Variants in TTC28 observed in about 807,000 individuals in gnomAD.
TTC28 encodes tetratricopeptide repeat protein 28.
A neutral mutation model predicts 198.0 loss-of-function variants in TTC28; 61 were observed. That is an observed-to-expected ratio of 0.31 (90% CI 0.25 to 0.38). TTC28 has a LOEUF of 0.38. TTC28 is among the 10% of genes least tolerant of loss of function. The pLI is 1.00. For synonymous variants in TTC28, 1,171 were observed against 1,297.8 expected, an observed-to-expected ratio of 0.90 and a Z score of 2.10; for missense variants, 2,678 against 3,164.0, an observed-to-expected ratio of 0.85 and a Z score of 3.69.
At chr22:28,040,041 A>C (rs1939550527) in intron 12 of TTC28, among the ~76,000 whole-genome samples, 1 of 152,238 alleles carries the variant, frequency 6.6e-6, no homozygotes, top group South Asian at 2.1e-4. Flanking sequence ...AACCAGGAAG[A>C]AGTTGAATCC....
At chr22:28,163,071 T>A in intron 6 of TTC28, 21 bp downstream of exon 6, 1 of 1,522,272 alleles carries the variant, frequency 6.6e-7, no homozygotes, top group East Asian at 2.5e-5. Context: ...CCTGGGCTCT[T>A]ACAGGCAACC....
chr22:28,441,887 T>TAAAA (rs979638590), intron 2 of TTC28, among the ~76,000 whole-genome samples: 9 of 119,170 alleles, frequency 7.6e-5, no homozygotes, highest in African/African-American at 2.3e-4. Flanking sequence ...ATTTGAAGTT[T>TAAAA]AAAAAAAAAA....
intron 2 of TTC28, among the ~76,000 whole-genome samples, chr22:28,414,563 T>C (rs2047139545): frequency 6.6e-6 from 1 of 152,120 alleles, no homozygotes; most frequent in African/African-American, 2.4e-5. Context: ...AGAGATGAAG[T>C]GGCAATGTAG....
chr22:28,365,071 G>C (rs1184499114), intron 2 of TTC28, among the ~76,000 whole-genome samples: 1 of 152,174 alleles, frequency 6.6e-6, no homozygotes, highest in African/African-American at 2.4e-5. Flanking sequence ...CTTCACTGTT[G>C]TCTTAAGAAA....
intron 5 of TTC28, among the ~76,000 whole-genome samples, chr22:28,235,804 A>C (rs1929201611): frequency 6.6e-6 from 1 of 152,214 alleles, no homozygotes. Context: ...CATAGATTAA[A>C]ATGTAAAAAC....
intron 1 of TTC28, among the ~76,000 whole-genome samples, chr22:28,634,505 C>CAA (rs900765994): frequency 1.7e-3 from 76 of 45,444 alleles, no homozygotes; most frequent in African/African-American, 4.7e-3. Context: ...GACTCCATCT[C>CAA]AAAAAAAAAA....
chr22:28,269,136 T>C (rs939421651), intron 5 of TTC28, among the ~76,000 whole-genome samples: 8 of 152,128 alleles, frequency 5.3e-5, no homozygotes, highest in East Asian at 3.9e-4. Context: ...ACCTAGTTTA[T>C]GATTTTCCCT....
chr22:28,037,477 C>A (rs899635792), intron 12 of TTC28, among the ~76,000 whole-genome samples: 1 of 152,152 alleles, frequency 6.6e-6, no homozygotes, highest in African/African-American at 2.4e-5. Context: ...ACCCTTCATG[C>A]TAAAAACTCT....
intron 2 of TTC28, 56 bp from the exon 3 acceptor site, chr22:28,306,699 G>A: frequency 1.3e-6 from 2 of 1,526,610 alleles, no homozygotes; most frequent in Non-Finnish European, 8.9e-7. Context: ...AAGGCTGATG[G>A]TGATTCTTTA....
chr22:28,451,056 C>T (rs764579019), intron 2 of TTC28, among the ~76,000 whole-genome samples: 4 of 152,146 alleles, frequency 2.6e-5, no homozygotes, highest in Admixed American at 2.0e-4. Context: ...GAGCGGGCTA[C>T]GCAGACATGG....
chr22:28,017,028 A>C (rs1938404993), intron 13 of TTC28, among the ~76,000 whole-genome samples: 1 of 152,222 alleles, frequency 6.6e-6, no homozygotes, highest in Non-Finnish European at 1.5e-5. Flanking sequence ...AGTGGTGGGC[A>C]GACCTGCTGA....
At chr22:28,259,863 CAG>C (rs1931199524) in intron 5 of TTC28, among the ~76,000 whole-genome samples, 1 of 152,092 alleles carries the variant, frequency 6.6e-6, no homozygotes, top group South Asian at 2.1e-4. Context: ...TGATTTCTCT[CAG>C]AGGAAATTGC....
intron 2 of TTC28, among the ~76,000 whole-genome samples, chr22:28,545,771 G>A (rs200199729): frequency 6.6e-6 from 1 of 151,890 alleles, no homozygotes; most frequent in Non-Finnish European, 1.5e-5. Context: ...TAAATCTAAC[G>A]TAATACATGC....
At chr22:28,193,324 G>A (rs1010811588) in intron 5 of TTC28, among the ~76,000 whole-genome samples, 4 of 152,176 alleles carry the variant, frequency 2.6e-5, no homozygotes, top group African/African-American at 9.7e-5. Flanking sequence ...ACCAACCACT[G>A]CAAAAATATG....
intron 5 of TTC28, among the ~76,000 whole-genome samples, chr22:28,229,359 C>A (rs1360622601): frequency 6.6e-6 from 1 of 152,012 alleles, no homozygotes; most frequent in Admixed American, 6.6e-5. Flanking sequence ...AAAGGGGGAC[C>A]AAGTGAATCA....
chr22:27,983,012 G>C lies in TTC28; in HGVS notation c.6655C>G (p.Leu2219Val), dbSNP rs1162387012. The C allele has an allele frequency of 7.1e-6, 11 of 1,551,592 alleles. No homozygotes were observed. The highest frequency in any genetic ancestry group is 3.9e-5 in the Admixed American group (2 of 50,982). The part of the protein sequence containing the change: ...SETSAFSRPV[L>V]SHQKSQPSPV... ...GATGGCTGACTCTTCTGATGGGAGA[G>C]AACAGGCCTGCTGAACGCACTGGTT... Residue 2219 changes from leucine (L) to valine (V), a missense_variant, in exon 23 of 23, where the codon CTC (leucine) becomes GTC (valine). Coordinates refer to ENST00000397906, the MANE Select transcript of TTC28 (RefSeq NM_001145418.2).
Position 28,005,228 on chromosome 22 carries a change from C to T in TTC28, c.4219-3675G>A, listed in dbSNP as rs1937887145. ...ATGATGCTTGAGAACTTACGGTGTTCCAGGCCAGGTGAGGGAAAAGGGGAA... is the reference window on the plus strand; with the variant it reads ...ATGATGCTTGAGAACTTACGGTGTTTCAGGCCAGGTGAGGGAAAAGGGGAA... On this transcript the variant is annotated intron_variant, in intron 14 of 22. Coordinates refer to ENST00000397906, the MANE Select transcript of TTC28 (RefSeq NM_001145418.2). This position sits in a 1 kb window ranked among gnomAD's most constrained non-coding sequence, Gnocchi z 4.9. Among the ~76,000 whole-genome samples the T allele has an allele frequency of 6.6e-6, 1 of 152,110 alleles. No homozygotes were observed. Among genetic ancestry groups the T allele is most frequent in the South Asian group, 2.1e-4 (1 of 4,824 alleles).
intron 2 of TTC28, among the ~76,000 whole-genome samples, chr22:28,582,039 T>A (rs2050240747): frequency 6.6e-6 from 1 of 152,198 alleles, no homozygotes; most frequent in African/African-American, 2.4e-5. Flanking sequence ...ATAATAATTT[T>A]ATGACCTATA....
At chr22:28,050,050 T>C (rs541788101) in intron 12 of TTC28, among the ~76,000 whole-genome samples, 3 of 152,246 alleles carry the variant, frequency 2.0e-5, no homozygotes, top group South Asian at 4.1e-4. Flanking sequence ...CATGAATCCT[T>C]ATAGCTGGGA....
Sources: allele counts gnomAD v4.1 joint callset (sites outside exome capture counted in the v4.1 genomes callset), GRCh38; gene constraint gnomAD v4.1.1; non-coding constraint Gnocchi (gnomAD v3.1); transcripts MANE v1.5; gene names NCBI Gene and HGNC (gene_info 2026-07-23, HGNC 2026-07-21).